Variants in GML observed in about 807,000 individuals in gnomAD.
The protein encoded by GML is glycosylphosphatidylinositol anchored molecule like.
GML carries 5 observed loss-of-function variants against 8.2 expected under a neutral mutation model. The observed-to-expected ratio is 0.61, with a 90% confidence interval of 0.32 to 1.28. The LOEUF (loss-of-function observed/expected upper bound fraction) is 1.28. Ranked by LOEUF, GML falls within the 50% of genes most tolerant of loss-of-function variation. The pLI is 0.06. For missense variants in GML, 191 were observed against 198.3 expected, an observed-to-expected ratio of 0.96 and a Z score of 0.22; for synonymous variants, 72 against 69.0, an observed-to-expected ratio of 1.04 and a Z score of -0.22.
intron 1 of GML, among the ~76,000 whole-genome samples, chr8:142,838,222 G>T (rs1312168784): frequency 6.6e-6 from 1 of 151,962 alleles, no homozygotes; most frequent in African/African-American, 2.4e-5. Context: ...AGAAGTGGAA[G>T]TGACCTGATT....
intron 3 of GML, among the ~76,000 whole-genome samples, chr8:142,845,607 C>A (rs144788521): frequency 2.6e-5 from 4 of 152,276 alleles, no homozygotes; most frequent in Non-Finnish European, 5.9e-5. Context: ...TCAAGGGGAA[C>A]AGAAGTAGTG....
chr8:142,837,424 C>T (rs1379964009), intron 1 of GML, among the ~76,000 whole-genome samples: 2 of 152,014 alleles, frequency 1.3e-5, no homozygotes, highest in African/African-American at 4.8e-5. Context: ...GAATCAGTGA[C>T]AGCAGTGGGT....
At chr8:142,841,638 C>G (rs1009569509) in intron 3 of GML, among the ~76,000 whole-genome samples, 1 of 152,172 alleles carries the variant, frequency 6.6e-6, no homozygotes, top group Non-Finnish European at 1.5e-5. Flanking sequence ...TGGACTCCCC[C>G]CAGGGAAAAA....
At position 142,840,461 on chromosome 8, in the gene GML, A is replaced by G. The variant is rs61729415; in HGVS notation, c.24A>G (p.Leu8=). The G allele has an allele frequency of 9.9e-4, 1,596 of 1,613,714 alleles. 12 individuals carry two copies. In the African/African-American group the frequency reaches 0.015, roughly 15 times the overall value. The change falls in exon 2 of 4, where the codon CTA becomes CTG. Residue 8 remains leucine (L), a synonymous_variant. Coordinates refer to ENST00000220940, the MANE Select transcript of GML (RefSeq NM_002066.3). ...TGATGCTCCTCTTTGCCTTACTCCT[A>G]GCCATGGAGCTCCCATTGGTGGCAG... MLLFALL[L]AMELPLVAAS...
chr8:142,838,982 C>G (rs1480523813), intron 1 of GML, among the ~76,000 whole-genome samples: 1 of 152,200 alleles, frequency 6.6e-6, no homozygotes, highest in Non-Finnish European at 1.5e-5. Flanking sequence ...CCTGCATGTG[C>G]TCTGGGCATT....
chr8:142,843,298 A>C (rs995775566), intron 3 of GML, among the ~76,000 whole-genome samples: 70 of 145,668 alleles, frequency 4.8e-4, no homozygotes, highest in African/African-American at 1.6e-3. Context: ...ACACACACAC[A>C]CCATAACCCC....
chr8:142,843,103 G>A (rs1018030455), intron 3 of GML, among the ~76,000 whole-genome samples: 5 of 152,152 alleles, frequency 3.3e-5, no homozygotes, highest in African/African-American at 1.2e-4. Context: ...TGATTTCTGG[G>A]GCTGTGCAGG....
chr8:142,846,346 A>T, intron 3 of GML, 49 bp from the exon 4 acceptor site: 1 of 1,256,518 alleles, frequency 8.0e-7, no homozygotes, highest in Non-Finnish European at 1.1e-6. Flanking sequence ...CAATATTTAC[A>T]AGCAGAAAAT....
intron 1 of GML, among the ~76,000 whole-genome samples, chr8:142,838,663 C>G (rs1816375769): frequency 6.6e-6 from 1 of 152,292 alleles, no homozygotes; most frequent in South Asian, 2.1e-4. Flanking sequence ...TTTGCTGATG[C>G]TGATGATCCA....
intron 3 of GML, among the ~76,000 whole-genome samples, chr8:142,843,197 T>C (rs557987987): frequency 6.6e-6 from 1 of 151,356 alleles, no homozygotes; most frequent in South Asian, 2.1e-4. Flanking sequence ...ATAGGAACTC[T>C]GCACTATCTC....
intron 3 of GML, 111 bp from the exon 4 acceptor site, chr8:142,846,284 G>A (rs1816502587): frequency 2.9e-6 from 2 of 683,676 alleles, no homozygotes; most frequent in Non-Finnish European, 2.5e-6. Context: ...AGCTGGGAGT[G>A]TAGAATGTGT....
At chr8:142,845,744 CGTGATCACATTAGTT>C (rs1563860207) in intron 3 of GML, among the ~76,000 whole-genome samples, 1 of 152,138 alleles carries the variant, frequency 6.6e-6, no homozygotes, top group Non-Finnish European at 1.5e-5. Context: ...TCACATTAGT[CGTGATCACATTAGTT>C]GCGATCGATA....
intron 1 of GML, among the ~76,000 whole-genome samples, chr8:142,839,360 T>A (rs545820186): frequency 1.3e-5 from 2 of 152,302 alleles, no homozygotes; most frequent in Non-Finnish European, 2.9e-5. Flanking sequence ...AATCTCAGCC[T>A]CGCCCACTGG....
At position 142,846,837 on chromosome 8, in the gene GML, A is replaced by T; in HGVS notation, c.*147A>T. On this transcript the variant is annotated 3_prime_UTR_variant, in exon 4 of 4. Coordinates refer to ENST00000220940, the MANE Select transcript of GML (RefSeq NM_002066.3). ...TTGTTGTAAGAGAAAAATTAAAAAA[A>T]TATTGTTTAGTGGAGATGTTCATGA... The T allele has an allele frequency of 1.6e-6, 1 of 614,700 alleles. No individual in the cohort carries two copies. The highest frequency in any genetic ancestry group is 2.8e-6 in the Non-Finnish European group (1 of 352,888). The allele number at this position is 614,700 out of a possible 1,614,324, so 38.1% of individuals were successfully genotyped here. A position where few individuals can be genotyped will look rare whatever the true frequency, so the allele number is the denominator to read the frequency against.
At chr8:142,843,298 A>ACACACACACACACACC (rs1031495895) in intron 3 of GML, among the ~76,000 whole-genome samples, 7 of 145,548 alleles carry the variant, frequency 4.8e-5, no homozygotes, top group East Asian at 2.0e-4. Flanking sequence ...ACACACACAC[A>ACACACACACACACACC]CCATAACCCC....
At chr8:142,835,559 A>C (rs1220898271) in intron 1 of GML, among the ~76,000 whole-genome samples, 1 of 152,020 alleles carries the variant, frequency 6.6e-6, no homozygotes, top group African/African-American at 2.4e-5. Flanking sequence ...CCTTCAGGCT[A>C]CTTCTGCCAG....
At chr8:142,844,707 C>G (rs900665895) in intron 3 of GML, among the ~76,000 whole-genome samples, 40 of 152,278 alleles carry the variant, frequency 2.6e-4, no homozygotes, top group African/African-American at 9.6e-4. Flanking sequence ...TGTTCACTGT[C>G]GTTCTTCTTG....
intron 3 of GML, among the ~76,000 whole-genome samples, chr8:142,843,326 A>G (rs1471999767): frequency 6.7e-6 from 1 of 148,736 alleles, no homozygotes; most frequent in African/African-American, 2.5e-5. Flanking sequence ...TGTGGATTCA[A>G]TAACAGAATT....
At chr8:142,839,490 G>C (rs191292195) in intron 1 of GML, among the ~76,000 whole-genome samples, 137 of 152,282 alleles carry the variant, frequency 9.0e-4, no homozygotes, top group African/African-American at 3.1e-3. Context: ...AGCTGCTCCT[G>C]CGGTGGAGGG....
Sources: gnomAD v4.1 joint callset for allele counts (sites outside exome capture counted in the v4.1 genomes callset) on GRCh38, gnomAD v4.1.1 for gene constraint, MANE v1.5 for transcripts, NCBI Gene and HGNC (gene_info 2026-07-23, HGNC 2026-07-21) for gene names.